RNF13: variants seen among roughly 807,000 people sequenced by gnomAD.
The protein encoded by RNF13 is ring finger protein 13.
A neutral mutation model predicts 37.7 loss-of-function variants in RNF13; 19 were observed. The ratio of observed to expected loss-of-function variants is 0.50; its 90% CI spans 0.35 to 0.74. RNF13 has a LOEUF of 0.74. Among genes scored for constraint, RNF13 ranks in the 30% least tolerant of loss-of-function variants. The probability of loss-of-function intolerance (pLI) is 0.01; values close to 1 mark genes in which losing one functional copy is unlikely to be tolerated. For synonymous variants in RNF13, 144 were observed against 157.8 expected (o/e 0.91, Z 0.65); for missense variants, 375 against 453.0 (o/e 0.83, Z 1.56).
At position 149,852,733 on chromosome 3, in the gene RNF13, A is replaced by G. The variant is rs1377108952; in HGVS notation, c.195+137A>G. ...TATATATAGTCATTTGTAAAGGGTC[A>G]GATTATTCAAAAGATATCAGAAAGA... is the stretch of plus-strand genomic sequence containing the variant. On this transcript the variant is annotated intron_variant, in intron 3 of 9. Transcript: ENST00000392894. 10 of 423,098 alleles carry G rather than the reference A, an allele frequency of 2.4e-5. No homozygotes were observed. In the East Asian group the frequency reaches 2.7e-4, roughly 11 times the overall value. The allele number at this position is 423,098 out of a possible 1,614,324, so 26.2% of individuals were successfully genotyped here.
At chr3:149,943,800 GTTCTT>G (rs1720505621) in intron 8 of RNF13, among the ~76,000 whole-genome samples, 1 of 150,792 alleles carries the variant, frequency 6.6e-6, no homozygotes, top group Admixed American at 6.6e-5. Flanking sequence ...AGCATACTGT[GTTCTT>G]TTGTCTTTTT....
intron 8 of RNF13, among the ~76,000 whole-genome samples, chr3:149,941,509 A>G (rs990412450): frequency 1.4e-5 from 2 of 142,186 alleles, no homozygotes; most frequent in Admixed American, 7.0e-5. Flanking sequence ...TATCCAAGTC[A>G]TTTTCTCATT....
intron 3 of RNF13, among the ~76,000 whole-genome samples, chr3:149,869,618 A>T (rs1331742259): frequency 6.6e-6 from 1 of 151,714 alleles, no homozygotes; most frequent in African/African-American, 2.4e-5. Flanking sequence ...AAAAAAAAAA[A>T]AGTTCACATA....
At chr3:149,866,968 A>C (rs1282221661) in intron 3 of RNF13, among the ~76,000 whole-genome samples, 1 of 152,168 alleles carries the variant, frequency 6.6e-6, no homozygotes, top group Admixed American at 6.5e-5. Flanking sequence ...AAAATGTTCC[A>C]TGTGCTGATA....
chr3:149,917,116 C>T (rs1372509273), intron 7 of RNF13, among the ~76,000 whole-genome samples: 1 of 152,104 alleles, frequency 6.6e-6, no homozygotes, highest in South Asian at 2.1e-4. Context: ...ACTCTTTCCA[C>T]CTTAGAGGAG....
chr3:149,911,383 C>T lies in RNF13; in HGVS notation c.501-595C>T, dbSNP rs1200180258. Among the ~76,000 whole-genome samples the T allele has an allele frequency of 2.6e-5, 4 of 152,108 alleles. No homozygotes were observed. In the South Asian group the frequency reaches 6.2e-4, roughly 24 times the overall value. On this transcript the variant is annotated intron_variant, in intron 6 of 9. Transcript: ENST00000392894. ...CAATAAACAACATCTCTAGACCTGC[C>T]GTGGTGGCTCACGCCTGTAATCCCA...
At chr3:149,860,270 A>AATATATATATATAT in intron 3 of RNF13, among the ~76,000 whole-genome samples, 2 of 104,096 alleles carry the variant, frequency 1.9e-5, no homozygotes, top group African/African-American at 8.4e-5. Context: ...AAAAAAAAAA[A>AATATATATATATAT]ATATATATAT....
chr3:149,816,250 A>G (rs1392669191), intron 1 of RNF13, among the ~76,000 whole-genome samples: 2 of 152,140 alleles, frequency 1.3e-5, no homozygotes, highest in Non-Finnish European at 2.9e-5. Flanking sequence ...TCACAGATAC[A>G]TAACTTCTGA....
At chr3:149,827,261 T>A (rs904402902) in intron 1 of RNF13, among the ~76,000 whole-genome samples, 1 of 152,208 alleles carries the variant, frequency 6.6e-6, no homozygotes, top group African/African-American at 2.4e-5. Flanking sequence ...TAGAGATGAT[T>A]TAAAGTATAT....
intron 1 of RNF13, among the ~76,000 whole-genome samples, chr3:149,840,892 T>C (rs1235132705): frequency 6.6e-6 from 1 of 152,204 alleles, no homozygotes; most frequent in Non-Finnish European, 1.5e-5. Flanking sequence ...CCAAAGAGTA[T>C]ACTGGATTGT....
chr3:149,859,832 C>G (rs558679099), intron 3 of RNF13, among the ~76,000 whole-genome samples: 1 of 152,002 alleles, frequency 6.6e-6, no homozygotes, highest in Non-Finnish European at 1.5e-5. Flanking sequence ...AAATTTCTTT[C>G]AAAATGTCAA....
At chr3:149,816,182 G>A (rs1719430617) in intron 1 of RNF13, among the ~76,000 whole-genome samples, 1 of 151,568 alleles carries the variant, frequency 6.6e-6, no homozygotes, top group Non-Finnish European at 1.5e-5. Context: ...TTACAGGTGT[G>A]ATACATCATG....
At chr3:149,852,435 T>G in intron 2 of RNF13, 81 bp from the exon 3 acceptor site, 1 of 558,970 alleles carries the variant, frequency 1.8e-6, no homozygotes, top group Non-Finnish European at 3.1e-6. Context: ...AAATAATAAT[T>G]ATACATAATT....
chr3:149,920,809 T>TA (rs1553767693), intron 7 of RNF13, among the ~76,000 whole-genome samples: 4 of 150,176 alleles, frequency 2.7e-5, no homozygotes, highest in South Asian at 2.1e-4. Context: ...TTTTTTTTTT[T>TA]ACCCATTGGA....
chr3:149,837,100 T>C (rs1721698028), intron 1 of RNF13, among the ~76,000 whole-genome samples: 1 of 152,238 alleles, frequency 6.6e-6, no homozygotes, highest in Non-Finnish European at 1.5e-5. Flanking sequence ...TTAATGTTAC[T>C]GAACTGTATA....
At chr3:149,947,205 ACATGTG>A (rs770316112) in intron 8 of RNF13, among the ~76,000 whole-genome samples, 53 of 152,208 alleles carry the variant, frequency 3.5e-4, no homozygotes, top group Non-Finnish European at 6.6e-4. Context: ...GGAGAATATT[ACATGTG>A]CGTTTGAGAA....
At chr3:149,844,755 C>T (rs570982889) in intron 1 of RNF13, among the ~76,000 whole-genome samples, 30 of 152,170 alleles carry the variant, frequency 2.0e-4, no homozygotes, top group Middle Eastern at 3.4e-3. Flanking sequence ...CAAATCTAGA[C>T]ATTTAAAAAA....
intron 4 of RNF13, among the ~76,000 whole-genome samples, chr3:149,885,662 T>G (rs2108471341): frequency 6.6e-6 from 1 of 152,316 alleles, no homozygotes; most frequent in East Asian, 1.9e-4. Flanking sequence ...TTTGCAGATA[T>G]TTTCTCCTAA....
intron 1 of RNF13, among the ~76,000 whole-genome samples, chr3:149,840,094 C>T (rs73870441): frequency 0.03 from 4,626 of 152,100 alleles, 85 homozygotes; most frequent in South Asian, 0.042. Flanking sequence ...AAAACAGTTT[C>T]GCAAGAATAC....
Sources: gnomAD v4.1 joint callset for allele counts (sites outside exome capture counted in the v4.1 genomes callset) on GRCh38, gnomAD v4.1.1 for gene constraint, MANE v1.5 for transcripts, NCBI Gene and HGNC (gene_info 2026-07-23, HGNC 2026-07-21) for gene names.